P2RY12: variants seen among roughly 807,000 people sequenced by gnomAD.
The protein encoded by P2RY12 is P2Y purinoceptor 12.
P2RY12 carries 3 observed loss-of-function variants against 4.5 expected under a neutral mutation model. The ratio of observed to expected loss-of-function variants is 0.67; its 90% CI spans 0.31 to 1.74. The LOEUF (loss-of-function observed/expected upper bound fraction) is 1.74. P2RY12 is among the 40% of genes most tolerant of loss of function. The probability of loss-of-function intolerance (pLI) is 0.09; values close to 1 mark genes in which losing one functional copy is unlikely to be tolerated. For missense variants in P2RY12, 356 were observed against 407.8 expected (o/e 0.87, Z 1.09); for synonymous variants, 148 against 154.1 (o/e 0.96, Z 0.29).
chr3:151,363,971 T>G (rs1422541770), intron 1 of P2RY12, among the ~76,000 whole-genome samples: 8 of 152,110 alleles, frequency 5.3e-5, no homozygotes, highest in Admixed American at 5.2e-4. Flanking sequence ...CATTCCTGGC[T>G]GCCATTGATG....
At position 151,378,276 on chromosome 3, in the gene P2RY12, A is replaced by T. The variant is rs978280079; in HGVS notation, c.-180+6416T>A. 8 of 1,210,486 alleles carry T rather than the reference A, an allele frequency of 6.6e-6. No homozygotes were observed. In the African/African-American group the frequency reaches 1.2e-4, roughly 19 times the overall value. 75.0% of individuals were successfully genotyped at this position (1,210,486 alleles called of 1,614,324 possible). ...GTCACTGTACCCACAGTCCACTGAAATTTAGTTTTTAAATGGAACTGGGAA... is the reference window on the plus strand; with the variant it reads ...GTCACTGTACCCACAGTCCACTGAATTTTAGTTTTTAAATGGAACTGGGAA... On this transcript the variant is annotated intron_variant, in intron 1 of 2. Coordinates refer to ENST00000302632, the MANE Select transcript of P2RY12 (RefSeq NM_022788.5).
intron 1 of P2RY12, among the ~76,000 whole-genome samples, chr3:151,343,757 GGTTT>G (rs1752184126): frequency 1.8e-5 from 1 of 56,104 alleles, no homozygotes. Context: ...TGGCTTAACT[GGTTT>G]GTTTATTTTA....
At chr3:151,360,682 C>CTTT in intron 1 of P2RY12, 1 of 1,337,196 alleles carries the variant, frequency 7.5e-7, no homozygotes, top group East Asian at 2.3e-5. Context: ...TATTGTCATC[C>CTTT]TTTTGAATAA....
intron 1 of P2RY12, chr3:151,384,203 A>G: frequency 1.2e-6 from 2 of 1,605,858 alleles, no homozygotes; most frequent in Non-Finnish European, 1.7e-6. Flanking sequence ...ACATGAATTT[A>G]GTAAAGAAAC....
intron 1 of P2RY12, chr3:151,372,883 T>C: frequency 1.4e-6 from 1 of 698,242 alleles, no homozygotes; most frequent in Non-Finnish European, 2.3e-6. Context: ...CTCACTTTAT[T>C]TCGAAATAAT....
intron 1 of P2RY12, chr3:151,380,068 C>A: frequency 8.5e-7 from 1 of 1,173,980 alleles, no homozygotes; most frequent in Admixed American, 2.4e-5. Context: ...GGAAGTAATG[C>A]ATTATTTCTA....
In P2RY12 at chr3:151,338,562, A is replaced by G. The variant is rs755664732; in HGVS notation, c.284T>C (p.Phe95Ser). 8 of 1,613,916 alleles carry G rather than the reference A, an allele frequency of 5.0e-6. No individual in the cohort carries two copies. Among genetic ancestry groups the G allele is most frequent in the Non-Finnish European group, 4.2e-6 (5 of 1,180,004 alleles). ...TATGACGGAGGTAACTTGACACACA[A>G]AAGTTCTCAGTGGTCCTGTTCCCAG... Reference protein sequence around the residue: ...AKLGTGPLRTFVCQVTSVIFY... With the variant: ...AKLGTGPLRTSVCQVTSVIFY... Residue 95 changes from phenylalanine to serine, a missense_variant, in exon 3 of 3, where the codon TTT becomes TCT. Phe to Ser is a radical substitution (Grantham distance 155). Coordinates refer to ENST00000302632, the MANE Select transcript of P2RY12 (RefSeq NM_022788.5).
At chr3:151,375,043 G>T (rs1756659186) in intron 1 of P2RY12, among the ~76,000 whole-genome samples, 1 of 152,228 alleles carries the variant, frequency 6.6e-6, no homozygotes, top group African/African-American at 2.4e-5. Flanking sequence ...TATGGTAAAA[G>T]ATAGCTACAT....
intron 1 of P2RY12, among the ~76,000 whole-genome samples, chr3:151,379,855 C>T (rs1178721159): frequency 1.3e-5 from 2 of 152,092 alleles, no homozygotes; most frequent in South Asian, 2.1e-4. Context: ...CCTCACTGCC[C>T]GGCATGCTCA....
chr3:151,346,370 C>G (rs369894782), intron 1 of P2RY12, among the ~76,000 whole-genome samples: 20 of 152,210 alleles, frequency 1.3e-4, no homozygotes, highest in African/African-American at 4.8e-4. Context: ...TCATAACGCT[C>G]TTTCCTCTCA....
At chr3:151,341,110 A>G (rs1751763631) in intron 1 of P2RY12, among the ~76,000 whole-genome samples, 1 of 152,156 alleles carries the variant, frequency 6.6e-6, no homozygotes, top group African/African-American at 2.4e-5. Flanking sequence ...TTTATCTGAA[A>G]TATATTGTGT....
At chr3:151,347,426 C>T (rs1051275382) in intron 1 of P2RY12, among the ~76,000 whole-genome samples, 1 of 152,128 alleles carries the variant, frequency 6.6e-6, no homozygotes, top group Non-Finnish European at 1.5e-5. Flanking sequence ...GGAAGACAGA[C>T]ATTAAACAAA....
intron 1 of P2RY12, chr3:151,382,742 T>G: frequency 6.2e-7 from 1 of 1,607,966 alleles, no homozygotes; most frequent in Non-Finnish European, 8.5e-7. Context: ...TCCGCCTAAA[T>G]TTGGTAAGTG....
At chr3:151,350,026 CAA>C in intron 1 of P2RY12, 1 of 1,595,882 alleles carries the variant, frequency 6.3e-7, no homozygotes, top group Non-Finnish European at 8.6e-7. Flanking sequence ...CCCCTGCAGA[CAA>C]GAGTTTCAGA....
chr3:151,355,777 C>T lies in P2RY12; in HGVS notation c.-179-15017G>A, dbSNP rs1577420164. 6 of 799,184 alleles carry T rather than the reference C, an allele frequency of 7.5e-6. No homozygotes were observed. The South Asian group carries it at 1.5e-4, about 20-fold the overall frequency. The allele number at this position is 799,184 out of a possible 1,614,324, so 49.5% of individuals were successfully genotyped here. A position where few individuals can be genotyped will look rare whatever the true frequency, so the allele number is the denominator to read the frequency against. On this transcript the variant is annotated intron_variant, in intron 1 of 2. Coordinates refer to ENST00000302632, the MANE Select transcript of P2RY12 (RefSeq NM_022788.5). ...TAGTTTCTATAGAAACACGTTTTGA[C>T]TTTCGTCAAAGTAGAATCATGTATA...
At chr3:151,366,470 G>GT (rs1298846973) in intron 1 of P2RY12, among the ~76,000 whole-genome samples, 1 of 152,144 alleles carries the variant, frequency 6.6e-6, no homozygotes, top group Non-Finnish European at 1.5e-5. Context: ...GATGTCCGGT[G>GT]TTTTTTGGCA....
chr3:151,382,690 A>C (rs778691426), intron 1 of P2RY12: 1 of 1,612,606 alleles, frequency 6.2e-7, no homozygotes, highest in Non-Finnish European at 8.5e-7. Flanking sequence ...CGATACCAAG[A>C]TGACATAAAA....
In P2RY12 at chr3:151,350,283, T is replaced by G; in HGVS notation, c.-179-9523A>C. The G allele has an allele frequency of 2.1e-6, 3 of 1,417,512 alleles. No homozygotes were observed. The South Asian group carries it at 3.9e-5, about 19-fold the overall frequency. The allele number at this position is 1,417,512 out of a possible 1,614,324, so 87.8% of individuals were successfully genotyped here. On this transcript the variant is annotated intron_variant, in intron 1 of 2. Transcript: ENST00000302632. ...CTGAGCACAGTCTTTATCAAAGTGTTCTATGTCACTGTCAACAGAGCGTTT... is the reference window on the plus strand; with the variant it reads ...CTGAGCACAGTCTTTATCAAAGTGTGCTATGTCACTGTCAACAGAGCGTTT...
At chr3:151,371,970 A>G (rs1201060229) in intron 1 of P2RY12, among the ~76,000 whole-genome samples, 4 of 152,156 alleles carry the variant, frequency 2.6e-5, no homozygotes, top group Non-Finnish European at 4.4e-5. Flanking sequence ...TCTAATTTGT[A>G]TGTTACAGAG....
Sources: allele counts gnomAD v4.1 joint callset (sites outside exome capture counted in the v4.1 genomes callset), GRCh38; gene constraint gnomAD v4.1.1; transcripts MANE v1.5; gene names NCBI Gene and HGNC (gene_info 2026-07-23, HGNC 2026-07-21).